Variants in LONRF1 observed in about 807,000 individuals in gnomAD.
LONRF1 encodes the protein LON peptidase N-terminal domain and ring finger 1, also known as LON peptidase N-terminal domain and RING finger protein 1.
LONRF1 carries 37 observed loss-of-function variants against 85.8 expected under a neutral mutation model. The ratio of observed to expected loss-of-function variants is 0.43; its 90% CI spans 0.33 to 0.57. The LOEUF is 0.57. Ranked by LOEUF, LONRF1 falls within the 20% of genes least tolerant of loss-of-function variation. The pLI is 0.04. For synonymous variants in LONRF1, 517 were observed against 390.1 expected (o/e 1.33, Z -3.83); for missense variants, 1,036 against 978.0 (o/e 1.06, Z -0.79).
intron 7 of LONRF1, among the ~76,000 whole-genome samples, chr8:12,732,389 G>A (rs768659325): frequency 6.6e-6 from 1 of 152,098 alleles, no homozygotes; most frequent in Non-Finnish European, 1.5e-5. Context: ...CTCTGTCCTT[G>A]AGTGACCCAA....
At chr8:12,751,519 G>T (rs1450882636) in intron 1 of LONRF1, among the ~76,000 whole-genome samples, 1 of 151,302 alleles carries the variant, frequency 6.6e-6, no homozygotes, top group African/African-American at 2.4e-5. Context: ...TGGCCAGGCT[G>T]GTCTCGAACT....
rs1251340740 is a variant in LONRF1, at chr8:12,736,947, T to C, written c.1307A>G (p.Asp436Gly). ...LKRKLSLLEQ[D>G]VIVNEDGRNK... ...TCTTCCATCTTCATTTACAATCACATCCTGTTCTAAAAGAGACAACTTTCT... is the reference window on the plus strand; with the variant it reads ...TCTTCCATCTTCATTTACAATCACACCCTGTTCTAAAAGAGACAACTTTCT... The change falls in exon 5 of 12, where the codon GAT becomes GGT. Residue 436 changes from aspartate to glycine, a missense_variant. By Grantham distance (94) the Asp-to-Gly change is moderately conservative. This residue lies in a region of LONRF1 where 742 missense variants were observed against 614.4 expected (regional missense o/e 1.21). Coordinates refer to ENST00000398246, the MANE Select transcript of LONRF1 (RefSeq NM_152271.5). The C allele has an allele frequency of 1.2e-6, 2 of 1,613,372 alleles. No individual in the cohort carries two copies. Among genetic ancestry groups the C allele is most frequent in the Non-Finnish European group, 1.7e-6 (2 of 1,179,624 alleles).
chr8:12,751,826 G>A, intron 1 of LONRF1, among the ~76,000 whole-genome samples: 1 of 152,054 alleles, frequency 6.6e-6, no homozygotes, highest in Non-Finnish European at 1.5e-5. Context: ...CATGGCTTAG[G>A]GGGATCATTT....
rs953728991 is a variant in LONRF1, at chr8:12,754,589, G to A, written c.721+111C>T. The A allele has an allele frequency of 3.0e-4, 353 of 1,185,250 alleles. 2 individuals carry two copies. Among genetic ancestry groups the A allele is most frequent in the Middle Eastern group, 3.3e-4 (1 of 3,074 alleles). 73.4% of individuals were successfully genotyped at this position (1,185,250 alleles called of 1,614,324 possible). A position where few individuals can be genotyped will look rare whatever the true frequency, so the allele number is the denominator to read the frequency against. ...GACCCGACACGCCAGCGGCCCAGCG[G>A]CCCCGGGGAAGCAGAGGAGACTCTC... On this transcript the variant is annotated intron_variant, in intron 1 of 11. Transcript: ENST00000398246.
intron 7 of LONRF1, among the ~76,000 whole-genome samples, chr8:12,732,623 G>A (rs1355837224): frequency 1.3e-5 from 2 of 152,056 alleles, no homozygotes; most frequent in African/African-American, 4.8e-5. Flanking sequence ...TATCCTTCAA[G>A]GTCTGACTCC....
chr8:12,745,990 T>C (rs1799137384), intron 1 of LONRF1, among the ~76,000 whole-genome samples: 1 of 152,178 alleles, frequency 6.6e-6, no homozygotes, highest in Admixed American at 6.5e-5. Flanking sequence ...TGCCATAATT[T>C]TTCTAAACTC....
At chr8:12,723,377 G>A (rs570206149) in intron 11 of LONRF1, 123 bp from the exon 12 acceptor site, 17 of 816,516 alleles carry the variant, frequency 2.1e-5, no homozygotes, top group Non-Finnish European at 3.2e-5. Flanking sequence ...TATCTCCAAT[G>A]TCCTTAACAA....
In LONRF1 at chr8:12,755,185, G is replaced by A. The variant is rs1162639134; in HGVS notation, c.236C>T (p.Ala79Val). ...GCCCAGGCACTCGGGCCTGGCCGGG[G>A]CCCCGCGGCGCAGCGCCGCCGCGAA... ...EAFAAALRRG[A>V]PARPECLGAL... The change falls in exon 1 of 12, where the codon GCC becomes GTC. Residue 79 changes from alanine to valine, a missense_variant. Ala to Val is a moderately conservative substitution (Grantham distance 64). Around this residue, in one of 3 missense-constraint regions of LONRF1, gnomAD observed 742 missense variants for 614.4 expected, o/e 1.21. Transcript: ENST00000398246. 6 of 1,324,298 alleles carry A rather than the reference G, an allele frequency of 4.5e-6. No homozygotes were observed. Among genetic ancestry groups the A allele is most frequent in the East Asian group, 6.4e-5 (2 of 31,326 alleles). 82.0% of individuals were successfully genotyped at this position (1,324,298 alleles called of 1,614,324 possible). A position where few individuals can be genotyped will look rare whatever the true frequency, so the allele number is the denominator to read the frequency against.
In LONRF1 at chr8:12,722,849, A is replaced by G. The variant is rs1805964721; in HGVS notation, c.*247T>C. On this transcript the variant is annotated 3_prime_UTR_variant, in exon 12 of 12. Coordinates refer to ENST00000398246, the MANE Select transcript of LONRF1 (RefSeq NM_152271.5). ...CTTATTTCATTTTAGAGTATGGTAC[A>G]TAGTGCAACTTCACAATGTAGAGGT... 2.5e-6 allele frequency: 1 copy of G among 398,386 alleles called. No homozygotes were observed. Among genetic ancestry groups the G allele is most frequent in the Non-Finnish European group, 4.6e-6 (1 of 218,378 alleles). 24.7% of individuals were successfully genotyped at this position (398,386 alleles called of 1,614,324 possible).
intron 2 of LONRF1, among the ~76,000 whole-genome samples, chr8:12,741,616 G>A (rs879924003): frequency 6.6e-6 from 1 of 151,916 alleles, no homozygotes; most frequent in African/African-American, 2.4e-5. Context: ...TTTAATTTGA[G>A]GGAAAAGGAA....
At chr8:12,751,677 C>G (rs557698377) in intron 1 of LONRF1, among the ~76,000 whole-genome samples, 3 of 151,198 alleles carry the variant, frequency 2.0e-5, no homozygotes, top group African/African-American at 4.9e-5. Context: ...ATCACCCCCC[C>G]ACCTTACAAC....
At chr8:12,750,825 G>T (rs559870977) in intron 1 of LONRF1, among the ~76,000 whole-genome samples, 1 of 152,150 alleles carries the variant, frequency 6.6e-6, no homozygotes, top group Non-Finnish European at 1.5e-5. Flanking sequence ...AACAGAACAG[G>T]ATGTAAAATT....
chr8:12,732,128 C>T (rs868606056), intron 7 of LONRF1, among the ~76,000 whole-genome samples: 2 of 152,196 alleles, frequency 1.3e-5, no homozygotes, highest in Admixed American at 6.5e-5. Flanking sequence ...CTCTATTAGC[C>T]GCAGAGGGCC....
Position 12,725,748 on chromosome 8 carries a change from G to C in LONRF1, c.2142C>G (p.Pro714=). ...SQILQHFGSM[P]EREENLQAAP... ...ATACCTGAAGGTTTTCCTCCCTCTC[G>C]GGCATTGATCCGAAATGCTGAAGAA... The change falls in exon 11 of 12, where the codon CCC becomes CCG. Residue 714 remains proline (P), a synonymous_variant. Coordinates refer to ENST00000398246, the MANE Select transcript of LONRF1 (RefSeq NM_152271.5). 1 of 1,612,910 alleles carries C rather than the reference G, an allele frequency of 6.2e-7. No individual in the cohort carries two copies. Among genetic ancestry groups the C allele is most frequent in the Non-Finnish European group, 8.5e-7 (1 of 1,179,048 alleles).
intron 1 of LONRF1, among the ~76,000 whole-genome samples, chr8:12,744,178 T>C (rs183464766): frequency 8.8e-4 from 134 of 152,318 alleles, no homozygotes; most frequent in Non-Finnish European, 1.0e-3. Flanking sequence ...AAGACCTTAA[T>C]GCCTCTAAAT....
chr8:12,732,203 C>A (rs1798553526), intron 7 of LONRF1, among the ~76,000 whole-genome samples: 1 of 152,200 alleles, frequency 6.6e-6, no homozygotes, highest in African/African-American at 2.4e-5. Context: ...ACTAAACTAT[C>A]ATTTTAACTG....
intron 1 of LONRF1, among the ~76,000 whole-genome samples, chr8:12,752,046 T>A (rs1799428272): frequency 6.6e-6 from 1 of 152,248 alleles, no homozygotes; most frequent in South Asian, 2.1e-4. Flanking sequence ...AGCTTTCTTT[T>A]GCTGCTGGCA....
chr8:12,747,486 G>A (rs934207887), intron 1 of LONRF1, among the ~76,000 whole-genome samples: 1 of 152,072 alleles, frequency 6.6e-6, no homozygotes, highest in Non-Finnish European at 1.5e-5. Context: ...AGCCAGTGTT[G>A]GTGTTAACAA....
At chr8:12,740,735 C>T (rs1308520372) in intron 3 of LONRF1, 139 bp downstream of exon 3, 2 of 1,081,764 alleles carry the variant, frequency 1.8e-6, no homozygotes, top group African/African-American at 3.2e-5. Context: ...ACCTGAAAAC[C>T]ACTCAAATTA....
Sources: allele counts gnomAD v4.1 joint callset (sites outside exome capture counted in the v4.1 genomes callset), GRCh38; gene constraint gnomAD v4.1.1; regional missense constraint gnomAD v4.1.1; transcripts MANE v1.5; gene names NCBI Gene and HGNC (gene_info 2026-07-23, HGNC 2026-07-21).